The following PALM2AKAP2 variants were observed in gnomAD, a reference collection of about 807,000 sequenced individuals.
PALM2AKAP2 encodes PALM2 and AKAP2 fusion, also known as PALM2-AKAP2 fusion protein.
Under a neutral mutation model 71.5 loss-of-function variants are expected in PALM2AKAP2, and 37 were observed. The observed-to-expected ratio is 0.52, with a 90% CI of 0.40 to 0.68. The LOEUF is 0.68. Ranked by LOEUF, PALM2AKAP2 falls within the 30% of genes least tolerant of loss-of-function variation. The pLI, the probability that PALM2AKAP2 is intolerant of heterozygous loss-of-function variation, is 0.00. For synonymous variants in PALM2AKAP2, 468 were observed against 478.8 expected (o/e 0.98, Z 0.29); for missense variants, 1,224 against 1,191.8 (o/e 1.03, Z -0.40).
rs149784100 is a variant in PALM2AKAP2, at chr9:109,721,572, G to A, written c.6-58916G>A. On this transcript the variant is annotated intron_variant, in intron 1 of 6. Transcript: ENST00000374531. Reference sequence around the variant, plus strand: ...ATTTTCTTTATTTTGGGGCTGGTATGTTTTGGGTTTTCATTGGCTAATTAG... The same window carrying A: ...ATTTTCTTTATTTTGGGGCTGGTATATTTTGGGTTTTCATTGGCTAATTAG... Among the ~76,000 whole-genome samples the A allele has an allele frequency of 4.2e-3, 647 of 152,316 alleles. 6 individuals are homozygous for A. The highest frequency in any genetic ancestry group is 4.7e-3 in the Non-Finnish European group (319 of 68,030).
At chr9:109,689,367 T>G (rs986048824) in intron 1 of PALM2AKAP2, among the ~76,000 whole-genome samples, 1 of 152,036 alleles carries the variant, frequency 6.6e-6, no homozygotes, top group Non-Finnish European at 1.5e-5. Context: ...GCCCAGCTAA[T>G]TTTTGTATTT....
intron 1 of PALM2AKAP2, among the ~76,000 whole-genome samples, chr9:110,059,370 G>T (rs1833913895): frequency 6.6e-6 from 1 of 152,106 alleles, no homozygotes; most frequent in Admixed American, 6.5e-5. Flanking sequence ...TGGTGTTTTT[G>T]TTGTTGTTCT....
At chr9:110,162,097 A>C (rs772511682) in intron 3 of PALM2AKAP2, 1 of 1,613,734 alleles carries the variant, frequency 6.2e-7, no homozygotes. Flanking sequence ...CTGCCAGTAC[A>C]CTTCTAAGTT....
intron 1 of PALM2AKAP2, among the ~76,000 whole-genome samples, chr9:109,774,057 G>T (rs548995343): frequency 6.6e-6 from 1 of 152,284 alleles, no homozygotes; most frequent in South Asian, 2.1e-4. Context: ...TGCCAACCCC[G>T]CAGGAAATTT....
intron 1 of PALM2AKAP2, among the ~76,000 whole-genome samples, chr9:109,721,440 G>C (rs1305225996): frequency 6.6e-6 from 1 of 152,128 alleles, no homozygotes; most frequent in Non-Finnish European, 1.5e-5. Context: ...CCAACTCCAG[G>C]CCTTCCAACT....
intron 3 of PALM2AKAP2, among the ~76,000 whole-genome samples, chr9:109,917,484 CTT>C (rs59106508): frequency 1.7e-4 from 19 of 111,428 alleles, no homozygotes; most frequent in South Asian, 3.1e-4. Flanking sequence ...CGCTCCTTTC[CTT>C]TTTTTTTTTT....
At chr9:109,884,817 G>C (rs1315145129) in intron 3 of PALM2AKAP2, among the ~76,000 whole-genome samples, 3 of 152,190 alleles carry the variant, frequency 2.0e-5, no homozygotes, top group African/African-American at 7.2e-5. Flanking sequence ...TTTCGTCCTT[G>C]TTGTTGAACT....
At chr9:109,661,979 G>T (rs965310087) in intron 1 of PALM2AKAP2, among the ~76,000 whole-genome samples, 1 of 152,154 alleles carries the variant, frequency 6.6e-6, no homozygotes, top group East Asian at 1.9e-4. Context: ...TCTGTTAATG[G>T]TGTATAAGAA....
At chr9:109,691,943 C>T (rs371698858) in intron 1 of PALM2AKAP2, among the ~76,000 whole-genome samples, 54 of 112,006 alleles carry the variant, frequency 4.8e-4, no homozygotes, top group African/African-American at 1.6e-3. Flanking sequence ...TATATATACA[C>T]ATATATATAT....
At chr9:109,753,124 G>T (rs888179076) in intron 1 of PALM2AKAP2, among the ~76,000 whole-genome samples, 1 of 152,128 alleles carries the variant, frequency 6.6e-6, no homozygotes, top group Admixed American at 6.6e-5. Flanking sequence ...GCCAGGATTT[G>T]TACCCATGAC....
chr9:110,025,617 T>G (rs10759387), intron 7 of PALM2AKAP2, among the ~76,000 whole-genome samples: 27,324 of 151,370 alleles, frequency 0.18, 3,178 homozygotes, highest in Admixed American at 0.29. Flanking sequence ...GCTGTCAGAC[T>G]CTTTTCCAAA....
intron 6 of PALM2AKAP2, among the ~76,000 whole-genome samples, chr9:109,987,812 C>T (rs1223093393): frequency 1.3e-5 from 2 of 152,194 alleles, no homozygotes; most frequent in South Asian, 2.1e-4. Context: ...AAAATGGCTG[C>T]CACAGCATAA....
chr9:109,668,514 T>A (rs1329711536), intron 1 of PALM2AKAP2, among the ~76,000 whole-genome samples: 1 of 152,236 alleles, frequency 6.6e-6, no homozygotes, highest in Non-Finnish European at 1.5e-5. Flanking sequence ...AGCTGAAGCT[T>A]AATCATATGT....
At chr9:109,674,935 C>T (rs1480327297) in intron 1 of PALM2AKAP2, among the ~76,000 whole-genome samples, 1 of 152,010 alleles carries the variant, frequency 6.6e-6, no homozygotes, top group Non-Finnish European at 1.5e-5. Context: ...TATCATACTA[C>T]AAGTACACAT....
intron 1 of PALM2AKAP2, among the ~76,000 whole-genome samples, chr9:109,650,493 T>C (rs1827210812): frequency 6.6e-6 from 1 of 152,216 alleles, no homozygotes; most frequent in African/African-American, 2.4e-5. Context: ...CAGAGCTCAC[T>C]GCAGCCTTGA....
intron 1 of PALM2AKAP2, among the ~76,000 whole-genome samples, chr9:109,660,158 G>A (rs1827368780): frequency 1.3e-5 from 2 of 152,170 alleles, no homozygotes; most frequent in African/African-American, 2.4e-5. Flanking sequence ...TCAGAAAAAT[G>A]TGTGGCTTCT....
chr9:109,752,842 CTTG>C (rs1828905258), intron 1 of PALM2AKAP2, among the ~76,000 whole-genome samples: 7 of 152,226 alleles, frequency 4.6e-5, no homozygotes, highest in African/African-American at 1.7e-4. Context: ...GCCGGGCAAT[CTTG>C]TTCATCCAGT....
chr9:109,691,012 A>G (rs1057001873), intron 1 of PALM2AKAP2, among the ~76,000 whole-genome samples: 1 of 152,204 alleles, frequency 6.6e-6, no homozygotes, highest in African/African-American at 2.4e-5. Flanking sequence ...GAAAATCTTG[A>G]AAGAAACAGA....
chr9:110,129,696 G>A (rs949229404), intron 1 of PALM2AKAP2, among the ~76,000 whole-genome samples: 3 of 152,218 alleles, frequency 2.0e-5, no homozygotes, highest in African/African-American at 7.2e-5. Context: ...GGCTTGTCAG[G>A]GCTGTCTCAT....
Sources: allele counts gnomAD v4.1 joint callset (sites outside exome capture counted in the v4.1 genomes callset), GRCh38; gene constraint gnomAD v4.1.1; transcripts MANE v1.5; gene names NCBI Gene and HGNC (gene_info 2026-07-23, HGNC 2026-07-21).